Variants in PIK3R4 observed in about 807,000 individuals in gnomAD.
The protein encoded by PIK3R4 is phosphoinositide-3-kinase regulatory subunit 4.
A neutral mutation model predicts 136.5 loss-of-function variants in PIK3R4; 46 were observed. The ratio of observed to expected loss-of-function variants is 0.34; its 90% CI spans 0.27 to 0.43. The LOEUF is 0.43. PIK3R4 is among the 20% of genes least tolerant of loss of function. The pLI is 1.00. For synonymous variants in PIK3R4, 557 were observed against 566.7 expected, an observed-to-expected ratio of 0.98 and a Z score of 0.24; for missense variants, 1,331 against 1,649.5, an observed-to-expected ratio of 0.81 and a Z score of 3.35.
intron 2 of PIK3R4, among the ~76,000 whole-genome samples, chr3:130,738,498 A>G (rs1222552159): frequency 1.3e-5 from 2 of 152,182 alleles, no homozygotes; most frequent in Non-Finnish European, 2.9e-5. Flanking sequence ...ACACACACAC[A>G]CTACATATAT....
intron 13 of PIK3R4, among the ~76,000 whole-genome samples, chr3:130,692,170 TG>T (rs2066523302): frequency 6.6e-6 from 1 of 152,144 alleles, no homozygotes; most frequent in Non-Finnish European, 1.5e-5. Context: ...CCACCACACC[TG>T]GCCTAGTTGT....
chr3:130,697,045 T>C (rs898644928), intron 13 of PIK3R4, among the ~76,000 whole-genome samples: 1 of 150,186 alleles, frequency 6.7e-6, no homozygotes, highest in Non-Finnish European at 1.5e-5. Flanking sequence ...ATGTTCTATC[T>C]GACATTGGCC....
chr3:130,739,587 G>A (rs755427679), intron 2 of PIK3R4, among the ~76,000 whole-genome samples: 1 of 151,492 alleles, frequency 6.6e-6, no homozygotes, highest in African/African-American at 2.4e-5. Flanking sequence ...TGTCCAGGCT[G>A]GTCTTGAACT....
intron 2 of PIK3R4, among the ~76,000 whole-genome samples, chr3:130,740,328 G>T (rs1223577052): frequency 6.6e-6 from 1 of 152,130 alleles, no homozygotes; most frequent in Non-Finnish European, 1.5e-5. Flanking sequence ...TGCTATAAGA[G>T]ACATTATTGG....
intron 6 of PIK3R4, among the ~76,000 whole-genome samples, chr3:130,727,075 T>C (rs1235410166): frequency 6.6e-6 from 1 of 152,204 alleles, no homozygotes; most frequent in Non-Finnish European, 1.5e-5. Flanking sequence ...TTTTTCAAAG[T>C]AGAAAGTACC....
intron 9 of PIK3R4, among the ~76,000 whole-genome samples, chr3:130,713,966 C>T (rs1003923261): frequency 4.9e-4 from 74 of 152,260 alleles, no homozygotes; most frequent in African/African-American, 1.5e-3. Context: ...GCCACCGCGC[C>T]GGGCCTGGGA....
rs1186917548 is a variant in PIK3R4, at chr3:130,708,359, G to C, written c.2465C>G (p.Ala822Gly). ...TTGTCTCCCAGTTATGCCTAAAGCT[G>C]CCAAGTCAATTACACCTTTCTGACT... ...DSSQKGVIDL[A>G]ALGITGRQVD... Residue 822 changes from alanine to glycine, a missense_variant, in exon 10 of 20, where the codon GCA becomes GGA. By Grantham distance (60) the Ala-to-Gly change is moderately conservative. Coordinates refer to ENST00000356763, the MANE Select transcript of PIK3R4 (RefSeq NM_014602.3). The C allele has an allele frequency of 3.1e-6, 5 of 1,613,636 alleles. No homozygotes were observed. The African/African-American group carries it at 6.7e-5, about 22-fold the overall frequency.
intron 9 of PIK3R4, among the ~76,000 whole-genome samples, chr3:130,711,046 T>G (rs912164476): frequency 6.6e-5 from 10 of 151,356 alleles, no homozygotes; most frequent in African/African-American, 2.4e-4. Context: ...CTGGGAGATG[T>G]TTTTTTCTAC....
intron 14 of PIK3R4, among the ~76,000 whole-genome samples, chr3:130,687,673 G>C (rs1158591347): frequency 6.6e-6 from 1 of 152,092 alleles, no homozygotes; most frequent in Non-Finnish European, 1.5e-5. Context: ...TGGATTCACA[G>C]ATATTTATTT....
At position 130,678,987 on chromosome 3, in the gene PIK3R4, A is replaced by ATAAT. The variant is rs1399235393; in HGVS notation, c.*324_*327dup. The ATAAT allele has an allele frequency of 6.2e-6, 1 of 160,232 alleles. No homozygotes were observed. The highest frequency in any genetic ancestry group is 1.8e-4 in the East Asian group (1 of 5,556). 9.9% of individuals were successfully genotyped at this position (160,232 alleles called of 1,614,324 possible). A position where few individuals can be genotyped will look rare whatever the true frequency, so the allele number is the denominator to read the frequency against. On this transcript the variant is annotated 3_prime_UTR_variant, in exon 20 of 20. Coordinates refer to ENST00000356763, the MANE Select transcript of PIK3R4 (RefSeq NM_014602.3). Reference sequence around the variant, plus strand: ...TTAATAGCAAAAATGTGTTTATACTATAATAGCTTACAACCATCTTTTCAA... The same window carrying ATAAT: ...TTAATAGCAAAAATGTGTTTATACTATAATTAATAGCTTACAACCATCTTTTCAA...
At chr3:130,721,518 A>C (rs78804647) in intron 7 of PIK3R4, among the ~76,000 whole-genome samples, 1,747 of 152,176 alleles carry the variant, frequency 0.011, 33 homozygotes, top group African/African-American at 0.039. Flanking sequence ...TGAATGAATA[A>C]AAAAAATGGT....
intron 13 of PIK3R4, among the ~76,000 whole-genome samples, chr3:130,691,768 T>G (rs1278800510): frequency 6.6e-6 from 1 of 152,014 alleles, no homozygotes; most frequent in Non-Finnish European, 1.5e-5. Context: ...TTGTTACATA[T>G]CCTTCAAAAG....
Position 130,716,472 on chromosome 3 carries a change from C to T in PIK3R4, c.2255G>A (p.Arg752Gln), listed in dbSNP as rs774080288. Residue 752 changes from arginine (R) to glutamine (Q), a missense_variant, in exon 9 of 20, where the codon CGA becomes CAA. By Grantham distance (43) the Arg-to-Gln change is conservative (BLOSUM62 1). This residue lies in a region of PIK3R4 where 1,180 missense variants were observed against 1,407.0 expected (regional missense o/e 0.84). Transcript: ENST00000356763. ...AGGGCAGTCGGGAAGAGAACCATTT[C>T]GTTTCTTCTGACGCATGTGAAGATG... The part of the protein sequence containing the change: ...FRHLHMRQKK[R>Q]NGSLPDCPPP... The T allele has an allele frequency of 2.7e-5, 43 of 1,614,006 alleles. 1 individual carries two copies. The Middle Eastern group carries it at 3.1e-3, about 117-fold the overall frequency.
intron 4 of PIK3R4, among the ~76,000 whole-genome samples, chr3:130,732,116 T>C (rs2066762790): frequency 6.6e-6 from 1 of 152,196 alleles, no homozygotes; most frequent in South Asian, 2.1e-4. Flanking sequence ...CTCTGAGAAC[T>C]GAGAATTAGA....
Position 130,683,360 on chromosome 3 carries a change from A to T in PIK3R4, c.3607+890T>A, listed in dbSNP as rs867653081. On this transcript the variant is annotated intron_variant, in intron 16 of 19. Coordinates refer to ENST00000356763, the MANE Select transcript of PIK3R4 (RefSeq NM_014602.3). The stretch of plus-strand genomic sequence containing the variant: ...AGATCAAACACAGAGCCAGTGTAGG[A>T]GAAGTGGTTGAGACCAAAGACTGGG... Among the ~76,000 whole-genome samples the T allele has an allele frequency of 9.2e-5, 14 of 152,314 alleles. 1 individual carries two copies. The Middle Eastern group carries it at 0.01, about 111-fold the overall frequency.
Position 130,735,973 on chromosome 3 carries a change from C to A in PIK3R4, c.763G>T (p.Gly255Cys). The change falls in exon 3 of 20, where the codon GGT becomes TGT. Residue 255 changes from glycine to cysteine, a missense_variant. Physicochemically the swap from Gly to Cys is radical, Grantham distance 159. Transcript: ENST00000356763. ...TGAGAGAGATCAAATAATGGTACACCTTCTGTAAAAAGCTCAGCTATCACA... is the reference window on the plus strand; with the variant it reads ...TGAGAGAGATCAAATAATGGTACACATTCTGTAAAAAGCTCAGCTATCACA... ...GCVIAELFTE[G>C]VPLFDLSQLL... 1.2e-6 allele frequency: 2 copies of A among 1,610,736 alleles called. No individual in the cohort carries two copies. The highest frequency in any genetic ancestry group is 2.2e-5 in the East Asian group (1 of 44,696).
intron 2 of PIK3R4, among the ~76,000 whole-genome samples, chr3:130,737,812 G>C (rs1200933252): frequency 6.6e-6 from 1 of 152,186 alleles, no homozygotes; most frequent in Non-Finnish European, 1.5e-5. Context: ...ACAATAAAGT[G>C]ATTCATCTCA....
chr3:130,738,542 C>G (rs1188142956), intron 2 of PIK3R4, among the ~76,000 whole-genome samples: 1 of 152,096 alleles, frequency 6.6e-6, no homozygotes, highest in Non-Finnish European at 1.5e-5. Context: ...AGCAAAGTGT[C>G]AAAGACAATC....
At chr3:130,692,323 C>A (rs553477213) in intron 13 of PIK3R4, among the ~76,000 whole-genome samples, 154 of 152,148 alleles carry the variant, frequency 1.0e-3, no homozygotes, top group African/African-American at 3.6e-3. Flanking sequence ...TATAAGAAAT[C>A]AAAAAATAAG....
Sources: allele counts gnomAD v4.1 joint callset (sites outside exome capture counted in the v4.1 genomes callset), GRCh38; gene constraint gnomAD v4.1.1; regional missense constraint gnomAD v4.1.1; transcripts MANE v1.5; gene names NCBI Gene and HGNC (gene_info 2026-07-23, HGNC 2026-07-21).